Variants in DPY30 observed in about 807,000 individuals in gnomAD.
The protein encoded by DPY30 is dpy-30 histone methyltransferase complex regulatory subunit, also known as protein dpy-30 homolog.
In DPY30, 6 loss-of-function variants were observed where a neutral mutation model predicts 16.2. The ratio of observed to expected loss-of-function variants is 0.37; its 90% CI spans 0.20 to 0.73. The LOEUF (loss-of-function observed/expected upper bound fraction) is 0.73. Ranked by LOEUF, DPY30 falls within the 30% of genes least tolerant of loss-of-function variation. DPY30 has a pLI of 0.51. For synonymous variants in DPY30, 39 were observed against 38.8 expected (o/e 1.00, Z -0.02); for missense variants, 73 against 113.1 (o/e 0.65, Z 1.61).
At chr2:32,039,373 C>T (rs772309357) in intron 2 of DPY30, 47 bp from the exon 3 acceptor site, 31 of 1,614,024 alleles carry the variant, frequency 1.9e-5, no homozygotes, top group Non-Finnish European at 2.6e-5. Flanking sequence ...CCCCCTTTCT[C>T]GCTGCCTCCC....
intron 3 of DPY30, among the ~76,000 whole-genome samples, chr2:32,032,199 T>C (rs1675568301): frequency 6.6e-6 from 1 of 152,200 alleles, no homozygotes; most frequent in Non-Finnish European, 1.5e-5. Flanking sequence ...AATTTTGGAA[T>C]TAAAAGATAA....
At chr2:32,019,246 C>T (rs969199846), downstream of DPY30, among the ~76,000 whole-genome samples, 2 of 152,104 alleles carry the variant, frequency 1.3e-5, no homozygotes, top group African/African-American at 2.4e-5. Flanking sequence ...GCACGCCCCA[C>T]CGCACCCAGC....
At position 32,029,753 on chromosome 2, in the gene DPY30, AAC is replaced by A. The variant is rs1187172568; in HGVS notation, c.85-19_85-18del. 6.2e-7 allele frequency: 1 copy of A among 1,613,806 alleles called. No individual in the cohort carries two copies. Among genetic ancestry groups the A allele is most frequent in the African/African-American group, 1.3e-5 (1 of 75,050 alleles). ...TACTATTCTCTAGTGAATTCAAAAA[AAC>A]AGTGCATGAACATTTCAAATAACCA... On this transcript the variant is annotated intron_variant, in intron 3 of 4. Coordinates refer to ENST00000342166, the MANE Select transcript of DPY30 (RefSeq NM_001321209.2).
At chr2:32,033,447 C>T (rs962079316) in intron 3 of DPY30, among the ~76,000 whole-genome samples, 9 of 152,014 alleles carry the variant, frequency 5.9e-5, no homozygotes, top group East Asian at 1.9e-4. Flanking sequence ...CCAAGGCAGG[C>T]GGATCACTTG....
At chr2:32,020,321 C>T (rs1436698625), downstream of DPY30, among the ~76,000 whole-genome samples, 2 of 152,062 alleles carry the variant, frequency 1.3e-5, no homozygotes, top group Non-Finnish European at 1.5e-5. Context: ...GCCTGGTCAA[C>T]ACAGTGAGAA....
chr2:32,039,427 T>C lies in DPY30; in HGVS notation c.30A>G (p.Gln10=), dbSNP rs11542021. 6.2e-7 allele frequency: 1 copy of C among 1,614,060 alleles called. No homozygotes were observed. The highest frequency in any genetic ancestry group is 1.3e-5 in the African/African-American group (1 of 74,932). ...ATCCACGGCCTCCTGATACCTGCGT[T>C]TGTCCCTCCAGCATCTGCTCTGGCT... MEPEQMLEG[Q]TQVAENPHSE... The change falls in exon 2 of 5, where the codon CAA becomes CAG. Residue 10 remains glutamine (Q), a synonymous_variant. Transcript: ENST00000342166.
downstream of DPY30, among the ~76,000 whole-genome samples, chr2:32,022,400 T>G (rs1012807521): frequency 6.6e-6 from 1 of 152,176 alleles, no homozygotes; most frequent in Non-Finnish European, 1.5e-5. Context: ...GATTTGCAGA[T>G]GTAAACCAAA....
At chr2:32,016,217 T>G (rs1037678183) in intron 5 of DPY30, among the ~76,000 whole-genome samples, 1 of 152,168 alleles carries the variant, frequency 6.6e-6, no homozygotes, top group Non-Finnish European at 1.5e-5. Context: ...GCAAGGTTTT[T>G]TAAAAAACAA....
intron 4 of DPY30, among the ~76,000 whole-genome samples, chr2:32,026,923 CTTTTT>C (rs534056939): frequency 7.1e-6 from 1 of 140,452 alleles, no homozygotes; most frequent in Non-Finnish European, 1.6e-5. Flanking sequence ...CCTTTTTTCC[CTTTTT>C]TTTTTTTTTA....
rs1409278981 is a variant in DPY30, at chr2:32,024,271, A to T, written c.228-15T>A. The T allele has an allele frequency of 6.4e-7, 1 of 1,554,190 alleles. No individual in the cohort carries two copies. The highest frequency in any genetic ancestry group is 1.7e-5 in the Admixed American group (1 of 58,760). On this transcript the variant is annotated splice_polypyrimidine_tract_variant and intron_variant, in intron 4 of 4. Transcript: ENST00000342166. ...GATTTGGTGGTCTGTAAGGGAAAAG[A>T]AATCCAAAGTTTAGAAATATATTTC...
intron 4 of DPY30, 113 bp downstream of exon 4, chr2:32,029,481 T>G: frequency 1.6e-6 from 2 of 1,286,148 alleles, no homozygotes; most frequent in East Asian, 4.7e-5. Context: ...TTAAAAACTT[T>G]AACATCCATA....
chr2:32,019,294 A>C (rs560115982), downstream of DPY30, among the ~76,000 whole-genome samples: 26 of 152,202 alleles, frequency 1.7e-4, no homozygotes, highest in African/African-American at 6.3e-4. Context: ...TAGCTAGATC[A>C]GTGGGACTAG....
At chr2:32,015,844 C>A (rs1675053665) in intron 5 of DPY30, among the ~76,000 whole-genome samples, 1 of 147,858 alleles carries the variant, frequency 6.8e-6, no homozygotes, top group African/African-American at 2.5e-5. Context: ...GAGCAAGACC[C>A]TGTCTAAAAA....
intron 5 of DPY30, among the ~76,000 whole-genome samples, chr2:32,018,267 A>T (rs1675100219): frequency 6.6e-6 from 1 of 152,232 alleles, no homozygotes; most frequent in Non-Finnish European, 1.5e-5. Context: ...TAAAGGTCTA[A>T]ACCTTAAGAT....
intron 3 of DPY30, among the ~76,000 whole-genome samples, chr2:32,030,432 C>A (rs1675491109): frequency 6.6e-6 from 1 of 151,996 alleles, no homozygotes. Flanking sequence ...ATATCGAGAC[C>A]ATCCTGGCTA....
At chr2:32,012,423 T>TC (rs1208223923) in intron 5 of DPY30, among the ~76,000 whole-genome samples, 2 of 117,350 alleles carry the variant, frequency 1.7e-5, no homozygotes, top group African/African-American at 6.3e-5. Context: ...TTTTTTCTTT[T>TC]TTTTTTTTTT....
At chr2:32,027,050 C>G (rs1675358839) in intron 4 of DPY30, among the ~76,000 whole-genome samples, 1 of 151,402 alleles carries the variant, frequency 6.6e-6, no homozygotes, top group African/African-American at 2.4e-5. Context: ...CCAATGAGGG[C>G]AGACCACCTG....
At chr2:32,013,116 T>C (rs192401477) in intron 5 of DPY30, 62 of 152,320 alleles carry the variant, frequency 4.1e-4, no homozygotes, top group African/African-American at 1.2e-3. Context: ...GTGTTATCTG[T>C]CAAATGCAAA....
At position 32,024,370 on chromosome 2, in the gene DPY30, T is replaced by C. The variant is rs1406397650; in HGVS notation, c.228-114A>G. On this transcript the variant is annotated intron_variant, in intron 4 of 4. Transcript: ENST00000342166. ...TTTAAGTTTAATTTTCATTTCACAG[T>C]CAAAGGACATTTGTAGTAAATAAAA... 4.3e-5 allele frequency: 33 copies of C among 760,550 alleles called. No individual in the cohort carries two copies. In the Admixed American group the frequency reaches 9.1e-4, roughly 21 times the overall value. The allele number at this position is 760,550 out of a possible 1,614,324, so 47.1% of individuals were successfully genotyped here.
Sources: gnomAD v4.1 joint callset for allele counts (sites outside exome capture counted in the v4.1 genomes callset) on GRCh38, gnomAD v4.1.1 for gene constraint, MANE v1.5 for transcripts, NCBI Gene and HGNC (gene_info 2026-07-23, HGNC 2026-07-21) for gene names.